Variants in CEP112 observed in about 807,000 individuals in gnomAD.
CEP112 encodes centrosomal protein of 112 kDa.
A neutral mutation model predicts 153.0 loss-of-function variants in CEP112; 127 were observed. The observed-to-expected ratio is 0.83, with a 90% CI of 0.72 to 0.96. The LOEUF is 0.96. CEP112 is among the 40% of genes least tolerant of loss of function. The pLI is 0.00. For synonymous variants in CEP112, 358 were observed against 374.4 expected (o/e 0.96, Z 0.51); for missense variants, 1,089 against 1,101.2 (o/e 0.99, Z 0.16).
chr17:65,736,437 T>C (rs947006307), intron 23 of CEP112, among the ~76,000 whole-genome samples: 6 of 152,128 alleles, frequency 3.9e-5, no homozygotes, highest in East Asian at 3.9e-4. Context: ...GAAATGCGGA[T>C]TGAGGGCTCA....
chr17:66,177,101 G>T, intron 2 of CEP112, 81 bp from the exon 3 acceptor site: 2 of 1,133,610 alleles, frequency 1.8e-6, no homozygotes, highest in Non-Finnish European at 2.5e-6. Context: ...AATAGCACCT[G>T]CTTTAGTCTA....
At chr17:66,154,972 C>A (rs2071376873) in intron 4 of CEP112, among the ~76,000 whole-genome samples, 1 of 152,100 alleles carries the variant, frequency 6.6e-6, no homozygotes, top group Non-Finnish European at 1.5e-5. Flanking sequence ...TAGTTAGGCC[C>A]ACTTCTCTTT....
intron 17 of CEP112, among the ~76,000 whole-genome samples, chr17:65,996,445 C>G (rs577024704): frequency 2.4e-4 from 36 of 152,260 alleles, no homozygotes; most frequent in African/African-American, 8.7e-4. Context: ...TTTTCATCAG[C>G]TATCTCTTAG....
rs573330590 is a variant in CEP112 at position 65,635,639 on chromosome 17, C to T, written c.*332G>A. On this transcript the variant is annotated 3_prime_UTR_variant, in exon 27 of 27. Transcript: ENST00000535342. ...ATGATACTACAAACGTGATTTTGAT[C>T]GTACGCAACTGGTAAAATTCTATGC... is the stretch of plus-strand genomic sequence containing the variant. 13 of 345,918 alleles carry T rather than the reference C, an allele frequency of 3.8e-5. No individual in the cohort carries two copies. The highest frequency in any genetic ancestry group is 6.7e-5 in the Non-Finnish European group (13 of 193,100). 21.4% of individuals were successfully genotyped at this position (345,918 alleles called of 1,614,324 possible). A position where few individuals can be genotyped will look rare whatever the true frequency, so the allele number is the denominator to read the frequency against.
Position 65,660,388 on chromosome 17 carries a change from TC to T in CEP112, c.2698-19324del, listed in dbSNP as rs1422721486. On this transcript the variant is annotated intron_variant, in intron 24 of 26. Transcript: ENST00000535342. ...CTCCCTCCCTTCCTTCCTTCCTTCC[TC>T]CCTCCCTCCCTTCCTTTCTCCCTCC... 4.3e-5 allele frequency among the ~76,000 whole-genome samples: 5 copies of T among 115,306 alleles called. No individual in the cohort carries two copies. The East Asian group carries it at 1.2e-3, about 27-fold the overall frequency. 75.6% of individuals were successfully genotyped at this position (115,306 alleles called of 152,430 possible). A position where few individuals can be genotyped will look rare whatever the true frequency, so the allele number is the denominator to read the frequency against.
chr17:65,978,890 T>C (rs2063126967), intron 17 of CEP112, among the ~76,000 whole-genome samples: 1 of 152,200 alleles, frequency 6.6e-6, no homozygotes, highest in African/African-American at 2.4e-5. Flanking sequence ...CAGTATGTTT[T>C]TGTGAGAAGT....
chr17:65,878,384 A>C (rs1484246464), intron 20 of CEP112, among the ~76,000 whole-genome samples: 1 of 152,204 alleles, frequency 6.6e-6, no homozygotes, highest in Non-Finnish European at 1.5e-5. Context: ...GATGAAGCAA[A>C]TATACACATT....
chr17:65,872,402 A>G (rs1317669633), intron 20 of CEP112, among the ~76,000 whole-genome samples: 1 of 152,158 alleles, frequency 6.6e-6, no homozygotes, highest in Non-Finnish European at 1.5e-5. Context: ...TTTTAAGTTA[A>G]TTTACAGAGG....
At chr17:65,768,727 C>T (rs552425880) in intron 21 of CEP112, among the ~76,000 whole-genome samples, 2 of 152,156 alleles carry the variant, frequency 1.3e-5, no homozygotes, top group South Asian at 4.1e-4. Context: ...TTCAATACAG[C>T]TCGATGTCTG....
intron 21 of CEP112, among the ~76,000 whole-genome samples, chr17:65,840,528 T>C (rs988544201): frequency 5.3e-4 from 81 of 152,210 alleles, no homozygotes; most frequent in African/African-American, 1.8e-3. Flanking sequence ...GACTTAAATG[T>C]AAGACCTGAG....
At chr17:65,805,554 G>C (rs2055547948) in intron 21 of CEP112, among the ~76,000 whole-genome samples, 1 of 152,192 alleles carries the variant, frequency 6.6e-6, no homozygotes, top group Admixed American at 6.5e-5. Flanking sequence ...TAAAAGAGTA[G>C]AGGAGTAAGT....
intron 17 of CEP112, among the ~76,000 whole-genome samples, chr17:65,967,789 T>A (rs2062468137): frequency 6.6e-6 from 1 of 152,110 alleles, no homozygotes; most frequent in Non-Finnish European, 1.5e-5. Context: ...GTAATATGGG[T>A]CCATAAATAA....
chr17:65,926,713 A>AAATAATAATAATAATAAT (rs369745977), intron 19 of CEP112, among the ~76,000 whole-genome samples: 3,101 of 150,342 alleles, frequency 0.021, 103 homozygotes, highest in African/African-American at 0.061. Flanking sequence ...ACTCCTTCTC[A>AAATAATAATAATAATAAT]AATAATAATA....
rs141688399 is a variant in CEP112, at chr17:65,647,038, T to A, written c.2698-5973A>T. Reference sequence around the variant, plus strand: ...GTATATGTCTGACCTAAAATAAAAGTTTCACAAATTCCCCAAAGAAGCACA... The same window carrying A: ...GTATATGTCTGACCTAAAATAAAAGATTCACAAATTCCCCAAAGAAGCACA... On this transcript the variant is annotated intron_variant, in intron 24 of 26. Coordinates refer to ENST00000535342, the MANE Select transcript of CEP112 (RefSeq NM_001199165.4). 2.1e-4 allele frequency among the ~76,000 whole-genome samples: 32 copies of A among 152,230 alleles called. No individual in the cohort carries two copies. The East Asian group carries it at 5.6e-3, about 27-fold the overall frequency.
chr17:65,659,765 C>A (rs190488744), intron 24 of CEP112, among the ~76,000 whole-genome samples: 3 of 152,038 alleles, frequency 2.0e-5, no homozygotes, highest in African/African-American at 4.8e-5. Flanking sequence ...ACTTTTTACA[C>A]GAGAAGTAAA....
chr17:66,187,735 A>C (rs2072992548), intron 1 of CEP112, among the ~76,000 whole-genome samples: 1 of 152,096 alleles, frequency 6.6e-6, no homozygotes, highest in Admixed American at 6.5e-5. Context: ...TTCACCCTTA[A>C]ATTTTATTTC....
At position 66,153,649 on chromosome 17, in the gene CEP112, C is replaced by A. The variant is rs115690394; in HGVS notation, c.471-20886G>T. Among the ~76,000 whole-genome samples, 235 of 152,152 alleles carry A rather than the reference C, an allele frequency of 1.5e-3. 2 individuals carry two copies. Among genetic ancestry groups the A allele is most frequent in the Middle Eastern group, 0.01 (3 of 294 alleles). Reference sequence around the variant, plus strand: ...TGCAAGTAAAAACTGGTGAGCTAATCCTGAAATGTATATGGAAATGCAAAG... The same window carrying A: ...TGCAAGTAAAAACTGGTGAGCTAATACTGAAATGTATATGGAAATGCAAAG... On this transcript the variant is annotated intron_variant, in intron 4 of 26. Coordinates refer to ENST00000535342, the MANE Select transcript of CEP112 (RefSeq NM_001199165.4).
chr17:65,915,292 T>G lies in CEP112; in HGVS notation c.1980+12290A>C, dbSNP rs140010498. Among the ~76,000 whole-genome samples, 431 of 152,276 alleles carry G rather than the reference T, an allele frequency of 2.8e-3. 1 individual carries two copies. Among genetic ancestry groups the G allele is most frequent in the Non-Finnish European group, 5.0e-3 (343 of 68,028 alleles). ...GCCCACTCTTTACCTTACATTCTAT[T>G]TCACAACCATTGACAAGTCCTGCCT... On this transcript the variant is annotated intron_variant, in intron 19 of 26. Transcript: ENST00000535342.
At chr17:66,136,709 T>C (rs2070451111) in intron 4 of CEP112, among the ~76,000 whole-genome samples, 1 of 152,160 alleles carries the variant, frequency 6.6e-6, no homozygotes. Context: ...AGTGTGCTAC[T>C]AGCTCCAGAA....
Sources: gnomAD v4.1 joint callset for allele counts (sites outside exome capture counted in the v4.1 genomes callset) on GRCh38, gnomAD v4.1.1 for gene constraint, MANE v1.5 for transcripts, NCBI Gene and HGNC (gene_info 2026-07-23, HGNC 2026-07-21) for gene names.